GOLGA6L22: variants seen among roughly 807,000 people sequenced by gnomAD.
GOLGA6L22 encodes golgin subfamily A member 6-like protein 22.
Under a neutral mutation model 77.1 loss-of-function variants are expected in GOLGA6L22, and 28 were observed. The ratio of observed to expected loss-of-function variants is 0.36; its 90% CI spans 0.27 to 0.50. The LOEUF is 0.50. Ranked by LOEUF, GOLGA6L22 falls within the 20% of genes least tolerant of loss-of-function variation. The pLI, the probability that GOLGA6L22 is intolerant of heterozygous loss-of-function variation, is 0.97. For missense variants in GOLGA6L22, 250 were observed against 620.4 expected (o/e 0.40, Z 6.34); for synonymous variants, 62 against 185.3 (o/e 0.33, Z 5.41).
Position 22,461,969 on chromosome 15 carries a change from G to A in GOLGA6L22, c.181-65G>A. The A allele has an allele frequency of 7.7e-6, 11 of 1,423,594 alleles. 3 individuals are homozygous for A. Among genetic ancestry groups the A allele is most frequent in the Middle Eastern group, 2.5e-4 (1 of 3,924 alleles). 88.2% of individuals were successfully genotyped at this position (1,423,594 alleles called of 1,614,324 possible). On this transcript the variant is annotated intron_variant, in intron 2 of 8. Coordinates refer to ENST00000622895, the Ensembl canonical transcript of GOLGA6L22. Reference sequence around the variant, plus strand: ...TCTGGGACAGTGGTGCCATTCTGGGGGCATGTCTCTTGCTGTGGATCTCTG... The same window carrying A: ...TCTGGGACAGTGGTGCCATTCTGGGAGCATGTCTCTTGCTGTGGATCTCTG...
At chr15:22,463,259 A>T (rs1020356510) in intron 5 of GOLGA6L22, among the ~76,000 whole-genome samples, 1,001 of 145,740 alleles carry the variant, frequency 6.9e-3, no homozygotes, top group South Asian at 0.045. Flanking sequence ...ACTAACAGTA[A>T]TAGCAATAAC....
At chr15:22,466,218 A>G in exon 8 of GOLGA6L22, 1 of 699,870 alleles carries the variant, frequency 1.4e-6, no homozygotes, top group East Asian at 2.9e-5. Flanking sequence ...CAAGAACAGG[A>G]GAAGATGCGG....
At chr15:22,463,338 A>C (rs1418417177) in intron 5 of GOLGA6L22, among the ~76,000 whole-genome samples, 8 of 146,654 alleles carry the variant, frequency 5.5e-5, no homozygotes, top group Non-Finnish European at 9.0e-5. Flanking sequence ...TGTCCCTTCC[A>C]CATCCACTGA....
rs779978771 is a variant in GOLGA6L22 at position 22,466,373 on chromosome 15, G to T, written c.1981G>T (p.Gly661Trp). 4.3e-5 allele frequency: 58 copies of T among 1,355,452 alleles called. 10 individuals carry two copies. Among genetic ancestry groups the T allele is most frequent in the Middle Eastern group, 2.9e-4 (1 of 3,448 alleles). The allele number at this position is 1,355,452 out of a possible 1,614,324, so 84.0% of individuals were successfully genotyped here. ...GATGCAGGAACAGGAAGAGAAGATG[G>T]GGGAGCAGGAGGAGAAGATTTGGGA... is the stretch of plus-strand genomic sequence containing the variant. The change falls in exon 8 of 9, where the codon GGG becomes TGG. Residue 661 changes from glycine (G) to tryptophan (W), a missense_variant. Coordinates refer to ENST00000622895, the Ensembl canonical transcript of GOLGA6L22.
chr15:22,461,911 T>C, intron 2 of GOLGA6L22, 123 bp from the exon 3 acceptor site: 1 of 915,108 alleles, frequency 1.1e-6, no homozygotes, highest in South Asian at 1.6e-5. Context: ...CCCCACAGGG[T>C]CCCTGATAAA....
At chr15:22,463,734 G>A (rs1887594894) in intron 5 of GOLGA6L22, 107 bp from the exon 6 acceptor site, 1 of 522,192 alleles carries the variant, frequency 1.9e-6, no homozygotes, top group Non-Finnish European at 3.3e-6. Flanking sequence ...AGGTGTGATT[G>A]AGAGTGAGGA....
chr15:22,463,208 T>A (rs1887574100), intron 5 of GOLGA6L22, among the ~76,000 whole-genome samples: 1 of 146,926 alleles, frequency 6.8e-6, no homozygotes, highest in South Asian at 2.1e-4. Flanking sequence ...GTTAGCATAG[T>A]GCCTGGTGAA....
chr15:22,462,075 G>C lies in GOLGA6L22; in HGVS notation c.222G>C (p.Arg74Ser), dbSNP rs762643931. 5.0e-5 allele frequency: 69 copies of C among 1,391,034 alleles called. 10 individuals carry two copies. Among genetic ancestry groups the C allele is most frequent in the Non-Finnish European group, 6.5e-5 (68 of 1,047,810 alleles). 86.2% of individuals were successfully genotyped at this position (1,391,034 alleles called of 1,614,324 possible). A position where few individuals can be genotyped will look rare whatever the true frequency, so the allele number is the denominator to read the frequency against. The change falls in exon 3 of 9, where the codon AGG (arginine) becomes AGC (serine). Residue 74 changes from arginine (R) to serine (S), a missense_variant. Physicochemically the swap from Arg to Ser is moderately radical, Grantham distance 110 (BLOSUM62 -1). Transcript: ENST00000622895. Reference sequence around the variant, plus strand: ...ACCAACATCAGGAAGCCCTAAGGAGGGAGCTAGAGGTGAGTGGAGGGTGTG... The same window carrying C: ...ACCAACATCAGGAAGCCCTAAGGAGCGAGCTAGAGGTGAGTGGAGGGTGTG...
chr15:22,466,331 C>T lies in GOLGA6L22; in HGVS notation c.1939C>T (p.Arg647Ter), dbSNP rs1426436562. 59 of 1,206,268 alleles carry T rather than the reference C, an allele frequency of 4.9e-5. 2 individuals are homozygous for T. In the East Asian group the frequency reaches 5.9e-4, roughly 12 times the overall value. The allele number at this position is 1,206,268 out of a possible 1,614,324, so 74.7% of individuals were successfully genotyped here. Reference sequence around the variant, plus strand: ...GATATGGGAGCAGGAGGAGAAGATACGAGAGCAGGAGGAGATGATGCAGGA... The same window carrying T: ...GATATGGGAGCAGGAGGAGAAGATATGAGAGCAGGAGGAGATGATGCAGGA... Residue 647 changes from arginine (R) to a stop codon, truncating the protein, a stop_gained, in exon 8 of 9, where the codon CGA becomes TGA. Coordinates refer to ENST00000622895, the Ensembl canonical transcript of GOLGA6L22. LOFTEE classifies it high-confidence loss of function.
rs1304989288 is a variant in GOLGA6L22, at chr15:22,463,721, G to A, written c.433-120G>A. 9.4e-5 allele frequency: 49 copies of A among 518,854 alleles called. 2 individuals carry two copies. The highest frequency in any genetic ancestry group is 1.4e-4 in the Non-Finnish European group (43 of 298,904). 32.1% of individuals were successfully genotyped at this position (518,854 alleles called of 1,614,324 possible). ...GGGCTTGGAAATGCCTTGAGAACACGTCAGGTGTGATTGAGAGTGAGGAAG... is the reference window on the plus strand; with the variant it reads ...GGGCTTGGAAATGCCTTGAGAACACATCAGGTGTGATTGAGAGTGAGGAAG... On this transcript the variant is annotated intron_variant, in intron 5 of 8. Coordinates refer to ENST00000622895, the Ensembl canonical transcript of GOLGA6L22.
intron 1 of GOLGA6L22, among the ~76,000 whole-genome samples, chr15:22,459,644 AC>A (rs755454484): frequency 3.5e-5 from 4 of 113,762 alleles, no homozygotes; most frequent in Admixed American, 2.5e-4. Context: ...CAATTTTGTG[AC>A]CCCCTCCCCA....
Position 22,462,016 on chromosome 15 carries a change from G to A in GOLGA6L22, c.181-18G>A. ...TCTGCCTACCCCTAGTAAGAGCTCTGTTTTCCTCTTTCTATAGGAACAGAA... is the reference window on the plus strand; with the variant it reads ...TCTGCCTACCCCTAGTAAGAGCTCTATTTTCCTCTTTCTATAGGAACAGAA... On this transcript the variant is annotated intron_variant, in intron 2 of 8. Transcript: ENST00000622895. 2.0e-6 allele frequency: 3 copies of A among 1,464,652 alleles called. No homozygotes were observed. In the South Asian group the frequency reaches 3.8e-5, roughly 19 times the overall value. The allele number at this position is 1,464,652 out of a possible 1,614,324, so 90.7% of individuals were successfully genotyped here. A position where few individuals can be genotyped will look rare whatever the true frequency, so the allele number is the denominator to read the frequency against.
chr15:22,459,069 C>T, upstream of GOLGA6L22: 1 of 100,470 alleles, frequency 1.0e-5, no homozygotes, highest in Non-Finnish European at 1.6e-5. Flanking sequence ...TACCCATCCC[C>T]ACCTCCCTAC....
At position 22,463,653 on chromosome 15, in the gene GOLGA6L22, A is replaced by C. The variant is rs1392938560; in HGVS notation, c.433-188A>C. ...GCAACAAGAATGAAACTCTGCCAAAAAAAAAAAGAAAGAAAGAAAGAAAGA... is the reference window on the plus strand; with the variant it reads ...GCAACAAGAATGAAACTCTGCCAAACAAAAAAAGAAAGAAAGAAAGAAAGA... On this transcript the variant is annotated intron_variant, in intron 5 of 8. Transcript: ENST00000622895. Among the ~76,000 whole-genome samples, 24 of 131,444 alleles carry C rather than the reference A, an allele frequency of 1.8e-4. 6 individuals carry two copies. The highest frequency in any genetic ancestry group is 4.8e-4 in the Admixed American group (6 of 12,596). 86.2% of individuals were successfully genotyped at this position (131,444 alleles called of 152,430 possible).
At chr15:22,461,198 T>TG (rs1887524128) in intron 2 of GOLGA6L22, among the ~76,000 whole-genome samples, 1 of 119,022 alleles carries the variant, frequency 8.4e-6, no homozygotes, top group Non-Finnish European at 1.7e-5. Context: ...TTTGTCATTG[T>TG]GTTTTTATGT....
At chr15:22,460,499 TA>T (rs1230877387) in intron 1 of GOLGA6L22, among the ~76,000 whole-genome samples, 1 of 85,358 alleles carries the variant, frequency 1.2e-5, no homozygotes, top group Non-Finnish European at 2.1e-5. Context: ...TGAATAACCC[TA>T]AACCACATAG....
exon 8 of GOLGA6L22, chr15:22,465,788 G>C: frequency 1.4e-6 from 2 of 1,408,726 alleles, no homozygotes; most frequent in Non-Finnish European, 1.9e-6. Context: ...ACGGGAGCAG[G>C]AGAAGAAACG....
rs1310857163 is a variant in GOLGA6L22, at chr15:22,461,846, A to C, written c.181-188A>C. ...ACTCAGATGTAGAGGCCCCAGGCTC[A>C]TTTCACCCACTCCCAGCCTGGGGAA... is the stretch of plus-strand genomic sequence containing the variant. On this transcript the variant is annotated intron_variant, in intron 2 of 8. Transcript: ENST00000622895. 1.6e-4 allele frequency among the ~76,000 whole-genome samples: 19 copies of C among 121,794 alleles called. 5 individuals carry two copies. Among genetic ancestry groups the C allele is most frequent in the Non-Finnish European group, 2.4e-4 (15 of 62,772 alleles). The allele number at this position is 121,794 out of a possible 152,430, so 79.9% of individuals were successfully genotyped here.
chr15:22,463,617 C>T (rs1887589828), intron 5 of GOLGA6L22, among the ~76,000 whole-genome samples: 1 of 129,082 alleles, frequency 7.7e-6, no homozygotes, highest in African/African-American at 3.1e-5. Context: ...TGCCATTGCA[C>T]TCCAGTGAGG....
Sources: allele counts gnomAD v4.1 joint callset (sites outside exome capture counted in the v4.1 genomes callset), GRCh38; gene constraint gnomAD v4.1.1; transcripts MANE v1.5; gene names NCBI Gene and HGNC (gene_info 2026-07-23, HGNC 2026-07-21).